The following LMOD1 variants were observed in gnomAD, a reference collection of about 807,000 sequenced individuals.
LMOD1 encodes the protein leiomodin-1.
LMOD1 carries 8 observed loss-of-function variants against 36.5 expected under a neutral mutation model. That is an observed-to-expected ratio of 0.22 (90% CI 0.13 to 0.40). The LOEUF is 0.40. Among genes scored for constraint, LMOD1 ranks in the 10% least tolerant of loss-of-function variants. LMOD1 has a pLI of 1.00. For missense variants in LMOD1, 630 were observed against 751.1 expected (o/e 0.84, Z 1.88); for synonymous variants, 284 against 288.7 (o/e 0.98, Z 0.17).
At position 201,936,355 on chromosome 1, in the gene LMOD1, C is replaced by G. The variant is rs554190875; in HGVS notation, c.261+9725G>C. ...GCATAAATTAGATCACATCTCTCCC[C>G]TACTCAAAACACTCCAATGACTTAG... is the stretch of plus-strand genomic sequence containing the variant. On this transcript the variant is annotated intron_variant, in intron 1 of 2. Transcript: ENST00000367288. Among the ~76,000 whole-genome samples the G allele has an allele frequency of 2.0e-5, 3 of 152,238 alleles. No individual in the cohort carries two copies. The East Asian group carries it at 5.8e-4, about 29-fold the overall frequency.
At chr1:201,930,473 A>G (rs926920135) in intron 1 of LMOD1, among the ~76,000 whole-genome samples, 8 of 152,216 alleles carry the variant, frequency 5.3e-5, no homozygotes, top group Admixed American at 3.9e-4. Context: ...AGGACAGCCC[A>G]GGGTTATGAT....
chr1:201,898,880 G>A (rs1046230599), intron 2 of LMOD1, among the ~76,000 whole-genome samples: 4 of 152,162 alleles, frequency 2.6e-5, no homozygotes, highest in African/African-American at 7.2e-5. Context: ...ATTTTTGTTT[G>A]GGGAAATGGA....
intron 1 of LMOD1, among the ~76,000 whole-genome samples, chr1:201,939,358 A>G (rs1682076083): frequency 6.6e-6 from 1 of 152,188 alleles, no homozygotes. Context: ...AAGCTATGTT[A>G]ATGAGATAGC....
intron 1 of LMOD1, among the ~76,000 whole-genome samples, chr1:201,931,254 G>A (rs1286870623): frequency 6.6e-6 from 1 of 152,222 alleles, no homozygotes; most frequent in African/African-American, 2.4e-5. Flanking sequence ...GAAACGGAAG[G>A]CCGGGTTCGG....
chr1:201,924,375 GGGAGGGAA>G (rs1681764467), intron 1 of LMOD1, among the ~76,000 whole-genome samples: 3 of 115,862 alleles, frequency 2.6e-5, no homozygotes, highest in Non-Finnish European at 5.5e-5. Flanking sequence ...GAGGGAGGGA[GGGAGGGAA>G]GGAAGGAAGG....
At chr1:201,906,455 A>G (rs1681414016) in intron 1 of LMOD1, among the ~76,000 whole-genome samples, 1 of 151,956 alleles carries the variant, frequency 6.6e-6, no homozygotes, top group African/African-American at 2.4e-5. Flanking sequence ...CCAGCCACCT[A>G]GGGACTTCCT....
intron 1 of LMOD1, among the ~76,000 whole-genome samples, chr1:201,916,277 G>A (rs1681610380): frequency 6.6e-6 from 1 of 152,080 alleles, no homozygotes; most frequent in African/African-American, 2.4e-5. Flanking sequence ...GACTTTGGAA[G>A]GTCAGGGTGA....
In LMOD1 at chr1:201,924,323, C is replaced by CA. The variant is rs758572161; in HGVS notation, c.261+21756dup. 1.2e-3 allele frequency among the ~76,000 whole-genome samples: 50 copies of CA among 40,154 alleles called. 4 individuals carry two copies. The highest frequency in any genetic ancestry group is 1.9e-3 in the Non-Finnish European group (36 of 19,368). 26.3% of individuals were successfully genotyped at this position (40,154 alleles called of 152,430 possible). On this transcript the variant is annotated intron_variant, in intron 1 of 2. Transcript: ENST00000367288. ...TGGGTGACAGAGCAAGACTCTGTCT[C>CA]AAAAAAAAAAAAAAAGAAAGCAAGG... is the stretch of plus-strand genomic sequence containing the variant.
At chr1:201,920,053 T>C (rs1681677365) in intron 1 of LMOD1, among the ~76,000 whole-genome samples, 2 of 127,932 alleles carry the variant, frequency 1.6e-5, no homozygotes, top group African/African-American at 5.7e-5. Context: ...CTCTTTTTTT[T>C]TTTTTTTTTT....
At position 201,902,444 on chromosome 1, in the gene LMOD1, G is replaced by GGTTTGTTT. The variant is rs5780094; in HGVS notation, c.262-1701_262-1694dup. Among the ~76,000 whole-genome samples the GGTTTGTTT allele has an allele frequency of 3.1e-4, 47 of 149,642 alleles. 1 individual carries two copies. Among genetic ancestry groups the GGTTTGTTT allele is most frequent in the Admixed American group, 2.2e-3 (33 of 14,986 alleles). The stretch of plus-strand genomic sequence containing the variant: ...GTGATGGGGGCTTGAGGTTTTTTTT[G>GGTTTGTTT]GTTTGTTTGTTTGTTTGTTTTTGAC... On this transcript the variant is annotated intron_variant, in intron 1 of 2. Transcript: ENST00000367288.
intron 1 of LMOD1, among the ~76,000 whole-genome samples, chr1:201,905,121 AAC>A (rs1681392506): frequency 6.6e-6 from 1 of 152,228 alleles, no homozygotes; most frequent in Non-Finnish European, 1.5e-5. Flanking sequence ...ACTAGGTAGC[AAC>A]AGTTATTTTT....
chr1:201,936,283 C>A (rs988431441), intron 1 of LMOD1, among the ~76,000 whole-genome samples: 2 of 151,562 alleles, frequency 1.3e-5, no homozygotes, highest in Admixed American at 1.3e-4. Context: ...ACTCTTGCCC[C>A]CCTACAGTCT....
chr1:201,932,137 A>G (rs944521653), intron 1 of LMOD1, among the ~76,000 whole-genome samples: 1 of 152,194 alleles, frequency 6.6e-6, no homozygotes, highest in Admixed American at 6.6e-5. Context: ...GGGAGGACTG[A>G]GCATGAGAAT....
intron 1 of LMOD1, among the ~76,000 whole-genome samples, chr1:201,901,038 G>A (rs1395695373): frequency 4.6e-5 from 7 of 152,120 alleles, no homozygotes; most frequent in African/African-American, 1.7e-4. Flanking sequence ...AGTATTCTCA[G>A]ACCCAGAATT....
chr1:201,906,233 C>T (rs1317505767), intron 1 of LMOD1, among the ~76,000 whole-genome samples: 1 of 152,162 alleles, frequency 6.6e-6, no homozygotes, highest in Non-Finnish European at 1.5e-5. Flanking sequence ...GCTGGTTTCT[C>T]CTTGACCAAA....
intron 1 of LMOD1, among the ~76,000 whole-genome samples, chr1:201,945,440 CA>C (rs1470636400): frequency 6.6e-6 from 1 of 152,094 alleles, no homozygotes; most frequent in African/African-American, 2.4e-5. Flanking sequence ...AAAACAAAAC[CA>C]AAAACCAACT....
chr1:201,917,457 G>A (rs1466348466), intron 1 of LMOD1, among the ~76,000 whole-genome samples: 1 of 152,030 alleles, frequency 6.6e-6, no homozygotes, highest in African/African-American at 2.4e-5. Flanking sequence ...TTCTGCCTGG[G>A]GGTTATGCAG....
At position 201,899,589 on chromosome 1, in the gene LMOD1, C is replaced by T; in HGVS notation, c.1424G>A (p.Arg475Lys). ...CCTTTGCTCCTGCAGCCGCTTTTGT[C>T]TCTGCTTGTCCATGTTGCGGCTGAG... ...NLLSRNMDKQ[R>K]QKRLQEQRQA... Residue 475 changes from arginine (R) to lysine (K), a missense_variant, in exon 2 of 3, where the codon AGA (arginine) becomes AAA (lysine). Coordinates refer to ENST00000367288, the MANE Select transcript of LMOD1 (RefSeq NM_012134.3). This position sits in a 1 kb window ranked among gnomAD's most constrained non-coding sequence, Gnocchi z 6.3. 1.2e-6 allele frequency: 2 copies of T among 1,612,714 alleles called. No individual in the cohort carries two copies. The highest frequency in any genetic ancestry group is 1.7e-6 in the Non-Finnish European group (2 of 1,179,404).
At chr1:201,937,767 AAAAC>A (rs906398030) in intron 1 of LMOD1, among the ~76,000 whole-genome samples, 3 of 152,170 alleles carry the variant, frequency 2.0e-5, no homozygotes, top group East Asian at 1.9e-4. Flanking sequence ...TCCTGTCTCA[AAAAC>A]AAACAAACAA....
Sources: allele counts gnomAD v4.1 joint callset (sites outside exome capture counted in the v4.1 genomes callset), GRCh38; gene constraint gnomAD v4.1.1; non-coding constraint Gnocchi (gnomAD v3.1); transcripts MANE v1.5; gene names NCBI Gene and HGNC (gene_info 2026-07-23, HGNC 2026-07-21).